Variants in TUBA1C observed in about 807,000 individuals in gnomAD.
The protein encoded by TUBA1C is tubulin alpha-1C chain.
TUBA1C carries 16 observed loss-of-function variants against 34.9 expected under a neutral mutation model. That is an observed-to-expected ratio of 0.46 (90% CI 0.31 to 0.70). The LOEUF is 0.70. Ranked by LOEUF, TUBA1C falls within the 30% of genes least tolerant of loss-of-function variation. TUBA1C has a pLI of 0.05. For missense variants in TUBA1C, 329 were observed against 587.3 expected, an observed-to-expected ratio of 0.56 and a Z score of 4.55; for synonymous variants, 177 against 215.9, an observed-to-expected ratio of 0.82 and a Z score of 1.58.
In TUBA1C at chr12:49,244,770, T is replaced by C. The variant is rs113026731; in HGVS notation, c.213+16604T>C. Reference sequence around the variant, plus strand: ...ATTCCCACCAGTCATGTCTCCACTGTGTGTAAGGATGGAAAATGAGATTGA... The same window carrying C: ...ATTCCCACCAGTCATGTCTCCACTGCGTGTAAGGATGGAAAATGAGATTGA... On this transcript the variant is annotated intron_variant, in intron 1 of 3. Coordinates refer to the TUBA1C transcript ENST00000541364. 3.9e-5 allele frequency among the ~76,000 whole-genome samples: 6 copies of C among 152,214 alleles called. No homozygotes were observed. The South Asian group carries it at 1.2e-3, about 32-fold the overall frequency.
At chr12:49,257,862 A>ATTT in intron 1 of TUBA1C, 28 of 168,132 alleles carry the variant, frequency 1.7e-4, no homozygotes, top group South Asian at 8.1e-4. Context: ...AAAGTTTACA[A>ATTT]TTTTTTTTTT....
At chr12:49,256,456 C>T (rs185524795) in intron 1 of TUBA1C, 2 of 455,440 alleles carry the variant, frequency 4.4e-6, no homozygotes, top group African/African-American at 4.0e-5. Flanking sequence ...GCTGAGGGAA[C>T]TGGATAAGAA....
chr12:49,254,502 A>T (rs1045630378), intron 1 of TUBA1C, among the ~76,000 whole-genome samples: 2 of 150,646 alleles, frequency 1.3e-5, no homozygotes, highest in African/African-American at 4.9e-5. Flanking sequence ...AAAAAAAAAA[A>T]AAAAAACGGG....
At chr12:49,257,346 A>T (rs1446302924) in intron 1 of TUBA1C, among the ~76,000 whole-genome samples, 1 of 152,164 alleles carries the variant, frequency 6.6e-6, no homozygotes, top group Non-Finnish European at 1.5e-5. Context: ...TGTCTACCTC[A>T]TAGGATTATC....
chr12:49,266,997 G>T (rs766500260), intron 1 of TUBA1C, among the ~76,000 whole-genome samples: 20 of 152,142 alleles, frequency 1.3e-4, no homozygotes, highest in African/African-American at 4.6e-4. Context: ...GAGCGGCAGC[G>T]GACTGGTTTA....
intron 1 of TUBA1C, among the ~76,000 whole-genome samples, chr12:49,246,967 C>G (rs1245296698): frequency 6.6e-6 from 1 of 150,620 alleles, no homozygotes; most frequent in Non-Finnish European, 1.5e-5. Flanking sequence ...TGGTGAAACT[C>G]CATCTCTACT....
chr12:49,254,180 G>A (rs575518936), intron 1 of TUBA1C, among the ~76,000 whole-genome samples: 2 of 152,194 alleles, frequency 1.3e-5, no homozygotes, highest in South Asian at 2.1e-4. Flanking sequence ...GCGTGGTGGC[G>A]CATGCCTGTA....
rs1285780549 is a variant in TUBA1C, at chr12:49,269,981, G to A, written c.375+5G>A. ...TTGGACCGAATTCGCAAGCTGGTAA[G>A]TATAGTACTTTAAATAAAGTGGGAT... On this transcript the variant is annotated splice_donor_5th_base_variant and intron_variant, in intron 3 of 3. Transcript: ENST00000301072. 10 of 1,614,106 alleles carry A rather than the reference G, an allele frequency of 6.2e-6. No individual in the cohort carries two copies. Among genetic ancestry groups the A allele is most frequent in the Non-Finnish European group, 8.5e-6 (10 of 1,180,050 alleles).
intron 1 of TUBA1C, among the ~76,000 whole-genome samples, chr12:49,252,138 T>C (rs190426555): frequency 4.6e-5 from 7 of 152,342 alleles, no homozygotes; most frequent in Admixed American, 2.6e-4. Context: ...CATGCTACCA[T>C]ATAGATTAAA....
At chr12:49,236,685 C>T (rs935521284) in intron 1 of TUBA1C, among the ~76,000 whole-genome samples, 1 of 152,184 alleles carries the variant, frequency 6.6e-6, no homozygotes, top group Non-Finnish European at 1.5e-5. Flanking sequence ...ACATAGAGTG[C>T]ACATACACAA....
chr12:49,250,646 C>T (rs1344397235), intron 1 of TUBA1C, among the ~76,000 whole-genome samples: 1 of 151,988 alleles, frequency 6.6e-6, no homozygotes, highest in Admixed American at 6.6e-5. Flanking sequence ...GGCATGGTGG[C>T]TCATGACTAT....
At chr12:49,250,023 C>T (rs1942716578) in intron 1 of TUBA1C, among the ~76,000 whole-genome samples, 1 of 151,500 alleles carries the variant, frequency 6.6e-6, no homozygotes, top group Non-Finnish European at 1.5e-5. Context: ...CGTGGTGAAA[C>T]CCCATCTCTA....
intron 1 of TUBA1C, among the ~76,000 whole-genome samples, chr12:49,247,504 T>C (rs1942683135): frequency 6.6e-6 from 1 of 151,710 alleles, no homozygotes; most frequent in African/African-American, 2.4e-5. Flanking sequence ...CTCAGGAGGC[T>C]GACACAGGAG....
At chr12:49,234,881 G>T (rs1208028620) in intron 1 of TUBA1C, among the ~76,000 whole-genome samples, 2 of 152,112 alleles carry the variant, frequency 1.3e-5, no homozygotes, top group South Asian at 4.1e-4. Flanking sequence ...GCACTGGCGC[G>T]ATCTCGGCTC....
chr12:49,246,133 T>C (rs1001351806), intron 1 of TUBA1C, among the ~76,000 whole-genome samples: 20 of 151,796 alleles, frequency 1.3e-4, no homozygotes, highest in Non-Finnish European at 2.5e-4. Flanking sequence ...CTCAAATTCC[T>C]GATCTCAAGT....
At chr12:49,240,996 G>A (rs1005677697) in intron 1 of TUBA1C, among the ~76,000 whole-genome samples, 1 of 152,056 alleles carries the variant, frequency 6.6e-6, no homozygotes, top group African/African-American at 2.4e-5. Flanking sequence ...CTGCCTCCTG[G>A]GTTCAAGCGA....
intron 1 of TUBA1C, among the ~76,000 whole-genome samples, chr12:49,259,324 C>A (rs1392318562): frequency 1.3e-5 from 2 of 152,134 alleles, no homozygotes; most frequent in South Asian, 2.1e-4. Context: ...CTCTGCCTCC[C>A]GGGTTCAAGC....
At chr12:49,270,101 C>T (rs1440757540) in intron 3 of TUBA1C, 125 bp downstream of exon 3, 2 of 1,566,570 alleles carry the variant, frequency 1.3e-6, no homozygotes, top group Admixed American at 3.4e-5. Flanking sequence ...TGTATCTGTT[C>T]ACTAAATTAA....
intron 1 of TUBA1C, among the ~76,000 whole-genome samples, chr12:49,246,911 G>A (rs1458322824): frequency 6.6e-6 from 1 of 151,978 alleles, no homozygotes. Context: ...AGGCCGAGGT[G>A]GGTGGATCAT....
Sources: allele counts gnomAD v4.1 joint callset (sites outside exome capture counted in the v4.1 genomes callset), GRCh38; gene constraint gnomAD v4.1.1; transcripts MANE v1.5; gene names NCBI Gene and HGNC (gene_info 2026-07-23, HGNC 2026-07-21).